DNM3: variants seen among roughly 807,000 people sequenced by gnomAD.
The protein encoded by DNM3 is dynamin 3.
Under a neutral mutation model 101.6 loss-of-function variants are expected in DNM3, and 47 were observed. That is an observed-to-expected ratio of 0.46 (90% CI 0.37 to 0.59). The LOEUF is 0.59. DNM3 is among the 20% of genes least tolerant of loss of function. The pLI is 0.00. For missense variants in DNM3, 849 were observed against 1,085.7 expected, an observed-to-expected ratio of 0.78 and a Z score of 3.06; for synonymous variants, 385 against 387.9, an observed-to-expected ratio of 0.99 and a Z score of 0.09.
At chr1:172,246,552 G>A (rs543498916) in intron 14 of DNM3, among the ~76,000 whole-genome samples, 13 of 152,218 alleles carry the variant, frequency 8.5e-5, no homozygotes, top group East Asian at 3.9e-4. Context: ...AATAGGCAAA[G>A]GTATTTCTAG....
At chr1:171,955,423 T>C (rs1020178926) in intron 2 of DNM3, among the ~76,000 whole-genome samples, 2 of 152,206 alleles carry the variant, frequency 1.3e-5, no homozygotes, top group African/African-American at 2.4e-5. Context: ...CACTGTGTGT[T>C]TCCAGCTGTG....
intron 1 of DNM3, 40 bp from the exon 2 acceptor site, chr1:171,921,708 A>C: frequency 1.3e-6 from 2 of 1,492,378 alleles, no homozygotes; most frequent in African/African-American, 1.4e-5. Context: ...GGTGATAAGA[A>C]TTCCTTCATG....
chr1:172,338,495 G>A (rs1256574098), intron 17 of DNM3, among the ~76,000 whole-genome samples: 2 of 152,230 alleles, frequency 1.3e-5, no homozygotes, highest in Admixed American at 1.3e-4. Context: ...GTGAGCAATA[G>A]CAAATCATTT....
In DNM3 at chr1:172,286,068, T is replaced by TA. The variant is rs2063686186; in HGVS notation, c.1770-22660_1770-22659insA. 2.7e-5 allele frequency among the ~76,000 whole-genome samples: 4 copies of TA among 147,454 alleles called. No homozygotes were observed. The South Asian group carries it at 6.4e-4, about 24-fold the overall frequency. ...TTTTAGAACTTTTAAAGTGAGTTAT[T>TA]TATATATATATATATATACTATTAT... is the stretch of plus-strand genomic sequence containing the variant. On this transcript the variant is annotated intron_variant, in intron 15 of 20. Transcript: ENST00000627582.
chr1:172,019,091 TG>T (rs1358602124), intron 4 of DNM3, among the ~76,000 whole-genome samples: 1 of 150,170 alleles, frequency 6.7e-6, no homozygotes, highest in Non-Finnish European at 1.5e-5. Flanking sequence ...TTTCTTCCTT[TG>T]TTCCTTCCTT....
intron 20 of DNM3, among the ~76,000 whole-genome samples, chr1:172,403,237 T>C (rs2070638780): frequency 1.3e-5 from 2 of 152,110 alleles, no homozygotes; most frequent in African/African-American, 4.8e-5. Flanking sequence ...AATTCCTACT[T>C]CCCATCCTAT....
At chr1:171,928,765 G>A (rs535048286) in intron 2 of DNM3, among the ~76,000 whole-genome samples, 34 of 152,160 alleles carry the variant, frequency 2.2e-4, no homozygotes, top group Non-Finnish European at 4.4e-4. Flanking sequence ...TTGCTCTGGC[G>A]CAGGGTGGCT....
At chr1:171,951,765 G>T (rs942141661) in intron 2 of DNM3, among the ~76,000 whole-genome samples, 1 of 152,100 alleles carries the variant, frequency 6.6e-6, no homozygotes, top group Admixed American at 6.6e-5. Flanking sequence ...ATTTCAAAAG[G>T]TTTATTATGA....
intron 4 of DNM3, among the ~76,000 whole-genome samples, chr1:171,999,525 C>G (rs1268320033): frequency 6.6e-6 from 1 of 152,054 alleles, no homozygotes; most frequent in Non-Finnish European, 1.5e-5. Context: ...AGCAGAGTTT[C>G]AAGCTGGAGT....
intron 17 of DNM3, among the ~76,000 whole-genome samples, chr1:172,343,147 T>G (rs969729106): frequency 2.0e-5 from 3 of 152,156 alleles, no homozygotes; most frequent in Admixed American, 2.0e-4. Context: ...TCTAAAGACA[T>G]GCTGATTAGA....
chr1:172,349,860 T>C (rs914873866), intron 17 of DNM3, among the ~76,000 whole-genome samples: 4 of 152,170 alleles, frequency 2.6e-5, no homozygotes, highest in Admixed American at 6.5e-5. Context: ...AAAAATCATA[T>C]TATTTATACA....
chr1:172,351,044 T>C (rs560573285), intron 17 of DNM3, among the ~76,000 whole-genome samples: 45 of 152,302 alleles, frequency 3.0e-4, no homozygotes, highest in African/African-American at 1.0e-3. Context: ...AGAACACTTA[T>C]AAACATTCAG....
chr1:172,275,422 C>A (rs2063244313), intron 15 of DNM3, among the ~76,000 whole-genome samples: 1 of 152,046 alleles, frequency 6.6e-6, no homozygotes, highest in Non-Finnish European at 1.5e-5. Flanking sequence ...GATTTTTTGG[C>A]ATGCTGCATG....
intron 12 of DNM3, 57 bp downstream of exon 12, chr1:172,081,959 A>T (rs2053181336): frequency 6.5e-7 from 1 of 1,542,778 alleles, no homozygotes. Context: ...TCTCAAACAC[A>T]CATTGTGAAT....
At chr1:172,070,846 G>A (rs1230346470) in intron 11 of DNM3, among the ~76,000 whole-genome samples, 7 of 151,828 alleles carry the variant, frequency 4.6e-5, no homozygotes, top group African/African-American at 7.3e-5. Context: ...CAGCACTTTT[G>A]GGAGGCTGAG....
intron 13 of DNM3, among the ~76,000 whole-genome samples, chr1:172,117,017 C>T (rs1011917347): frequency 6.6e-6 from 1 of 152,026 alleles, no homozygotes; most frequent in African/African-American, 2.4e-5. Context: ...ACCAGCCTAA[C>T]CAACATGGAG....
intron 16 of DNM3, among the ~76,000 whole-genome samples, chr1:172,316,164 A>T (rs1573435220): frequency 6.6e-6 from 1 of 152,150 alleles, no homozygotes; most frequent in Non-Finnish European, 1.5e-5. Context: ...GGAGAAATAA[A>T]ATACTTCACA....
In DNM3 at chr1:172,315,429, C is replaced by T. The variant is rs1028305570; in HGVS notation, c.1881+6590C>T. On this transcript the variant is annotated intron_variant, in intron 16 of 20. Coordinates refer to ENST00000627582, the MANE Select transcript of DNM3 (RefSeq NM_015569.5). Reference sequence around the variant, plus strand: ...TTGAGAGAAGAAGGCTGCAGACGATCAAACTACTCCGAGCTACAGGAGGAA... The same window carrying T: ...TTGAGAGAAGAAGGCTGCAGACGATTAAACTACTCCGAGCTACAGGAGGAA... 2.0e-5 allele frequency among the ~76,000 whole-genome samples: 3 copies of T among 152,234 alleles called. No homozygotes were observed. In the South Asian group the frequency reaches 6.2e-4, roughly 32 times the overall value.
At chr1:172,185,656 C>T (rs565921235) in intron 14 of DNM3, among the ~76,000 whole-genome samples, 20 of 152,036 alleles carry the variant, frequency 1.3e-4, no homozygotes, top group Non-Finnish European at 2.5e-4. Context: ...AATCATTTTT[C>T]TAGACTTTGG....
Sources: allele counts gnomAD v4.1 joint callset (sites outside exome capture counted in the v4.1 genomes callset), GRCh38; gene constraint gnomAD v4.1.1; transcripts MANE v1.5; gene names NCBI Gene and HGNC (gene_info 2026-07-23, HGNC 2026-07-21).